The following DNAH10 variants were observed in gnomAD, a reference collection of about 807,000 sequenced individuals.
DNAH10 encodes axonemal beta dynein heavy chain 10.
In DNAH10, 348 loss-of-function variants were observed where a neutral mutation model predicts 506.6. The observed-to-expected ratio is 0.69, with a 90% CI of 0.63 to 0.75. The LOEUF is 0.75. Ranked by LOEUF, DNAH10 falls within the 30% of genes least tolerant of loss-of-function variation. The pLI is 0.00. For synonymous variants in DNAH10, 2,059 were observed against 2,198.6 expected (o/e 0.94, Z 1.78); for missense variants, 5,179 against 5,787.1 (o/e 0.89, Z 3.41).
rs1430032990 is a variant in DNAH10, at chr12:123,917,625, G to A, written c.11044G>A (p.Val3682Met). 6.4e-7 allele frequency: 1 copy of A among 1,551,708 alleles called. No individual in the cohort carries two copies. The highest frequency in any genetic ancestry group is 8.7e-7 in the Non-Finnish European group (1 of 1,147,056). ...GLEDQLLSVLVAYERRELEEQ... is the reference protein window; with the variant it reads ...GLEDQLLSVLMAYERRELEEQ... The stretch of plus-strand genomic sequence containing the variant: ...GGAGGACCAGCTGCTGAGCGTGCTG[G>A]TGGCTTACGAGAGGCGGGAGCTGGA... The change falls in exon 64 of 79, where the codon GTG becomes ATG. Residue 3682 changes from valine (V) to methionine (M), a missense_variant. Val to Met is a conservative substitution (Grantham distance 21). Transcript: ENST00000673944. This position sits in a 1 kb window ranked among gnomAD's most constrained non-coding sequence, Gnocchi z 5.6.
At position 123,874,345 on chromosome 12, in the gene DNAH10, A is replaced by T. The variant is rs75118688; in HGVS notation, c.7938+635A>T. Among the ~76,000 whole-genome samples the T allele has an allele frequency of 7.2e-3, 1,068 of 147,824 alleles. 10 individuals are homozygous for T. The highest frequency in any genetic ancestry group is 0.026 in the African/African-American group (1,017 of 39,834). ...CATCTATCAGTCTGTTCTTCCATTC[A>T]TCCATCCATGTGTCTGTTTTTTTCA... On this transcript the variant is annotated intron_variant, in intron 46 of 78. Coordinates refer to ENST00000673944, the MANE Select transcript of DNAH10 (RefSeq NM_001372106.1).
rs374169649 is a variant in DNAH10 at position 123,903,099 on chromosome 12, C to T, written c.9801C>T (p.Asp3267=). 25 of 1,610,164 alleles carry T rather than the reference C, an allele frequency of 1.6e-5. No homozygotes were observed. Among genetic ancestry groups the T allele is most frequent in the African/African-American group, 5.3e-5 (4 of 74,944 alleles). The change falls in exon 57 of 79, where the codon GAC becomes GAT. Residue 3267 remains aspartate, a synonymous_variant. Transcript: ENST00000673944. This position sits in a 1 kb window ranked among gnomAD's most constrained non-coding sequence, Gnocchi z 4.6. The stretch of plus-strand genomic sequence containing the variant: ...AACTGCAGAAGCTGGACAAGTCGGA[C>T]GTGACTGAGATTAGGTAATGCACCT... ...KLELQKLDKS[D]VTEIRSFAKP... is the part of the protein sequence containing the mutation.
At chr12:123,896,148 C>CACAGAGAGAGAG (rs1383690518) in intron 54 of DNAH10, among the ~76,000 whole-genome samples, 1 of 95,268 alleles carries the variant, frequency 1.0e-5, no homozygotes, top group African/African-American at 5.2e-5. Flanking sequence ...CACACACACA[C>CACAGAGAGAGAG]AGAGAGAGAG....
chr12:123,918,927 C>T lies in DNAH10; in HGVS notation c.11484C>T (p.Ser3828=). 6.2e-7 allele frequency: 1 copy of T among 1,612,874 alleles called. No individual in the cohort carries two copies. The highest frequency in any genetic ancestry group is 1.7e-5 in the Admixed American group (1 of 59,988). The change falls in exon 65 of 79, where the codon AGC becomes AGT. Residue 3828 remains serine, a synonymous_variant. Coordinates refer to ENST00000673944, the MANE Select transcript of DNAH10 (RefSeq NM_001372106.1). ...ACATCATGGACACGCTGACCTTCAGCATCTATAACCACGGCTGCACAGGTG... is the reference window on the plus strand; with the variant it reads ...ACATCATGGACACGCTGACCTTCAGTATCTATAACCACGGCTGCACAGGTG... ...LRNIMDTLTF[S]IYNHGCTGLF...
chr12:123,771,534 G>A, intron 2 of DNAH10, 67 bp from the exon 3 acceptor site: 1 of 1,318,240 alleles, frequency 7.6e-7, no homozygotes, highest in Non-Finnish European at 1.1e-6. Flanking sequence ...AAAATGCAGG[G>A]CTGCTCTTGA....
intron 72 of DNAH10, 105 bp from the exon 73 acceptor site, chr12:123,930,297 G>A: frequency 9.0e-7 from 1 of 1,108,986 alleles, no homozygotes; most frequent in Admixed American, 3.5e-5. Flanking sequence ...CAGCAGCCAG[G>A]CTGCTGGAGT....
intron 17 of DNAH10, among the ~76,000 whole-genome samples, chr12:123,804,454 G>A (rs1248328350): frequency 1.3e-5 from 2 of 151,916 alleles, no homozygotes; most frequent in African/African-American, 2.4e-5. Context: ...GAACCTGGGA[G>A]GCGGAGCTTG....
chr12:123,924,543 C>T, intron 67 of DNAH10, 111 bp downstream of exon 67: 1 of 1,322,290 alleles, frequency 7.6e-7, no homozygotes, highest in East Asian at 2.5e-5. Flanking sequence ...GTAACCCATT[C>T]AGTGTGTAAC....
chr12:123,868,225 A>G, intron 43 of DNAH10, 106 bp downstream of exon 43: 3 of 1,047,306 alleles, frequency 2.9e-6, no homozygotes, highest in Non-Finnish European at 4.1e-6. Flanking sequence ...AGTTTTCCAG[A>G]TTGTTTGCTT....
intron 65 of DNAH10, chr12:123,922,930 T>C (rs894107912): frequency 1.3e-5 from 2 of 152,194 alleles, no homozygotes; most frequent in African/African-American, 4.8e-5. Context: ...CATAGGAAGT[T>C]TGGAGAAATA....
Position 123,804,894 on chromosome 12 carries a change from C to G in DNAH10, c.2841C>G (p.Val947=), listed in dbSNP as rs775853934. The change falls in exon 18 of 79, where the codon GTC becomes GTG. Residue 947 remains valine, a synonymous_variant. Coordinates refer to ENST00000673944, the MANE Select transcript of DNAH10 (RefSeq NM_001372106.1). ...RERASDVDHM[V]RWYLAIGPLL... is the part of the protein sequence containing the mutation. ...GGGCCAGCGACGTGGACCACATGGT[C>G]CGGTGGTATCTTGCCATTGGACCAC... The G allele has an allele frequency of 1.2e-6, 2 of 1,613,718 alleles. No homozygotes were observed.
intron 78 of DNAH10, chr12:123,935,016 C>T (rs1955425311): frequency 1.6e-6 from 1 of 616,432 alleles, no homozygotes; most frequent in Non-Finnish European, 2.8e-6. Flanking sequence ...GTGGTCTAGA[C>T]TAACCAAGGG....
chr12:123,845,542 T>C lies in DNAH10; in HGVS notation c.5361-58T>C, dbSNP rs1440393541. The C allele has an allele frequency of 1.9e-5, 30 of 1,588,636 alleles. No homozygotes were observed. The Admixed American group carries it at 5.2e-4, about 27-fold the overall frequency. On this transcript the variant is annotated intron_variant, in intron 30 of 78. Transcript: ENST00000673944. ...AAGAAATAAATTCCTGAAGGGACTGTTTTGGGTACCAGTCCCCGGATTGAT... is the reference window on the plus strand; with the variant it reads ...AAGAAATAAATTCCTGAAGGGACTGCTTTGGGTACCAGTCCCCGGATTGAT...
At chr12:123,772,629 T>C (rs1202807024) in intron 3 of DNAH10, among the ~76,000 whole-genome samples, 2 of 152,206 alleles carry the variant, frequency 1.3e-5, no homozygotes, top group East Asian at 1.9e-4. Context: ...GGTTGGTCAA[T>C]AGAGGAGTCA....
intron 4 of DNAH10, among the ~76,000 whole-genome samples, chr12:123,773,736 C>T (rs535864853): frequency 6.6e-6 from 1 of 152,342 alleles, no homozygotes; most frequent in East Asian, 1.9e-4. Context: ...ATGACCTAAT[C>T]ACCTACCAAA....
chr12:123,902,129 C>G lies in DNAH10; in HGVS notation c.9641-810C>G, dbSNP rs1253944986. On this transcript the variant is annotated intron_variant, in intron 56 of 78. Transcript: ENST00000673944. This position sits in a 1 kb window ranked among gnomAD's most constrained non-coding sequence, Gnocchi z 4.5. ...GCTTATAAATGCACCACTCCAGCGT[C>G]TGTCTCCATTGCCACACGCCCCTCT... 1.3e-5 allele frequency among the ~76,000 whole-genome samples: 2 copies of G among 152,214 alleles called. No individual in the cohort carries two copies. Among genetic ancestry groups the G allele is most frequent in the African/African-American group, 4.8e-5 (2 of 41,446 alleles).
rs34934281 is a variant in DNAH10, at chr12:123,845,764, C to T, written c.5525C>T (p.Thr1842Met). The change falls in exon 31 of 79, where the codon ACG becomes ATG. Residue 1842 changes from threonine to methionine, a missense_variant. Physicochemically the swap from Thr to Met is moderately conservative, Grantham distance 81 (BLOSUM62 -1). Around this residue, in one of 3 missense-constraint regions of DNAH10, gnomAD observed 4,844 missense variants for 5,430.5 expected, o/e 0.89. Transcript: ENST00000673944. ...CACCGGCAGATCGATGAGTTGGTAACGCGCATCACCATGCCGCTAAGCAAA... is the reference window on the plus strand; with the variant it reads ...CACCGGCAGATCGATGAGTTGGTAATGCGCATCACCATGCCGCTAAGCAAA... ...KMHRQIDELV[T>M]RITMPLSKND... The T allele has an allele frequency of 0.11, 171,643 of 1,613,898 alleles. 10,189 individuals are homozygous for T. Among genetic ancestry groups the T allele is most frequent in the Non-Finnish European group, 0.12 (143,011 of 1,179,874 alleles).
chr12:123,912,405 G>T (rs1330631431), intron 59 of DNAH10, among the ~76,000 whole-genome samples: 1 of 52,560 alleles, frequency 1.9e-5, no homozygotes, highest in Non-Finnish European at 3.4e-5. Flanking sequence ...TCCTGGGGGG[G>T]GTCTGTCCCG....
Position 123,916,585 on chromosome 12 carries a change from T to C in DNAH10, c.10851T>C (p.Asn3617=). 6.2e-7 allele frequency: 1 copy of C among 1,613,696 alleles called. No homozygotes were observed. The highest frequency in any genetic ancestry group is 8.5e-7 in the Non-Finnish European group (1 of 1,179,834). ...DPVIDNVLEK[N]IKVSQGRQFI... is the part of the protein sequence containing the mutation. ...TGATTGACAACGTCTTAGAAAAAAA[T>C]ATAAAAGTCTCCCAAGGACGGCAGT... The change falls in exon 63 of 79, where the codon AAT becomes AAC. Residue 3617 remains asparagine, a synonymous_variant. Transcript: ENST00000673944. This position sits in a 1 kb window ranked among gnomAD's most constrained non-coding sequence, Gnocchi z 4.6.
Sources: allele counts gnomAD v4.1 joint callset (sites outside exome capture counted in the v4.1 genomes callset), GRCh38; gene constraint gnomAD v4.1.1; regional missense constraint gnomAD v4.1.1; non-coding constraint Gnocchi (gnomAD v3.1); transcripts MANE v1.5; gene names NCBI Gene and HGNC (gene_info 2026-07-23, HGNC 2026-07-21).